SFXN5: variants seen among roughly 807,000 people sequenced by gnomAD.
SFXN5 encodes sideroflexin 5, also known as sideroflexin-5.
SFXN5 carries 43 observed loss-of-function variants against 50.2 expected under a neutral mutation model. The ratio of observed to expected loss-of-function variants is 0.86; its 90% confidence interval spans 0.67 to 1.11. SFXN5 has a LOEUF of 1.11. Among genes scored for constraint, SFXN5 ranks in the 50% least tolerant of loss-of-function variants. The pLI, the probability that SFXN5 is intolerant of heterozygous loss-of-function variation, is 0.00. For synonymous variants in SFXN5, 203 were observed against 185.8 expected (o/e 1.09, Z -0.75); for missense variants, 463 against 454.1 (o/e 1.02, Z -0.18).
chr2:72,988,261 C>T lies in SFXN5; in HGVS notation c.622G>A (p.Val208Ile). ...LIQRFVPFPAVASANICNVVL... is the reference protein window; with the variant it reads ...LIQRFVPFPAIASANICNVVL... The stretch of plus-strand genomic sequence containing the variant: ...CTATGTGGTGTGCAGGTCTTACCTA[C>T]AGCAGGGAACGGCACAAACCTCTGG... Residue 208 changes from valine (V) to isoleucine (I), a missense_variant, in exon 10 of 14, where the codon GTA becomes ATA. Physicochemically the swap from Val to Ile is conservative, Grantham distance 29 (BLOSUM62 3). Coordinates refer to ENST00000272433, the MANE Select transcript of SFXN5 (RefSeq NM_144579.3). The T allele has an allele frequency of 6.2e-7, 1 of 1,613,590 alleles. No individual in the cohort carries two copies. The highest frequency in any genetic ancestry group is 8.5e-7 in the Non-Finnish European group (1 of 1,179,794).
chr2:73,048,944 A>G (rs1180063838), intron 2 of SFXN5: 1 of 152,178 alleles, frequency 6.6e-6, no homozygotes, highest in Non-Finnish European at 1.5e-5. Flanking sequence ...TCAGTTTCCC[A>G]AAAACGTTTT....
chr2:72,972,075 T>C (rs1670076924), intron 10 of SFXN5, among the ~76,000 whole-genome samples: 1 of 152,172 alleles, frequency 6.6e-6, no homozygotes, highest in Non-Finnish European at 1.5e-5. Flanking sequence ...TGTTCCACCA[T>C]CACTGGGGCC....
chr2:73,070,765 C>A (rs1179202696), intron 1 of SFXN5: 2 of 152,408 alleles, frequency 1.3e-5, no homozygotes, highest in Non-Finnish European at 2.9e-5. Flanking sequence ...GTCGCCGTGC[C>A]CCGAAGAGCC....
intron 1 of SFXN5, among the ~76,000 whole-genome samples, chr2:73,061,919 C>A (rs1268478994): frequency 6.6e-6 from 1 of 152,018 alleles, no homozygotes; most frequent in African/African-American, 2.4e-5. Flanking sequence ...AGTTTGAGAT[C>A]AGCCTGGGCA....
intron 13 of SFXN5, among the ~76,000 whole-genome samples, chr2:72,946,753 G>T (rs1671981595): frequency 6.6e-6 from 1 of 151,970 alleles, no homozygotes; most frequent in African/African-American, 2.4e-5. Flanking sequence ...TCCCCACAAG[G>T]TCTCATCCAG....
At chr2:73,055,680 G>C (rs1357291048) in intron 2 of SFXN5, among the ~76,000 whole-genome samples, 1 of 149,358 alleles carries the variant, frequency 6.7e-6, no homozygotes, top group Non-Finnish European at 1.5e-5. Flanking sequence ...ACAATGGCAC[G>C]ATCTCGCCTC....
intron 1 of SFXN5, 140 bp downstream of exon 1, chr2:73,071,464 C>G (rs1417663809): frequency 1.4e-6 from 1 of 714,304 alleles, no homozygotes; most frequent in Non-Finnish European, 2.3e-6. Context: ...TGACTGTGAC[C>G]GAGGTTCCCC....
In SFXN5 at chr2:73,071,085, T is replaced by TG. The variant is rs1683561302; in HGVS notation, c.102+518dup. ...CCTGCTGCGCGCGCCGAGCCCGGCT[T>TG]GGGGGCCAGGGCTGGGGAGTGACCG... On this transcript the variant is annotated intron_variant, in intron 1 of 13. Coordinates refer to ENST00000272433, the MANE Select transcript of SFXN5 (RefSeq NM_144579.3). 1.3e-5 allele frequency: 2 copies of TG among 152,836 alleles called. 1 individual carries two copies. The highest frequency in any genetic ancestry group is 3.9e-4 in the South Asian group (2 of 5,176). 9.5% of individuals were successfully genotyped at this position (152,836 alleles called of 1,614,324 possible).
chr2:72,975,760 C>T (rs1670553876), intron 10 of SFXN5, among the ~76,000 whole-genome samples: 1 of 152,188 alleles, frequency 6.6e-6, no homozygotes, highest in Non-Finnish European at 1.5e-5. Flanking sequence ...TTGCCTAAAA[C>T]ATCTTTCTAA....
intron 13 of SFXN5, chr2:72,957,000 C>T: frequency 2.2e-6 from 1 of 453,020 alleles, no homozygotes; most frequent in Non-Finnish European, 4.4e-6. Flanking sequence ...GACAGCCCCT[C>T]CTCTTTGAAT....
At chr2:72,989,613 A>T (rs900439265) in intron 9 of SFXN5, among the ~76,000 whole-genome samples, 2 of 152,078 alleles carry the variant, frequency 1.3e-5, no homozygotes, top group Non-Finnish European at 2.9e-5. Flanking sequence ...TGACTGAGGA[A>T]TAAATGCAGG....
intron 1 of SFXN5, chr2:73,059,508 C>CA: frequency 1.0e-6 from 1 of 985,402 alleles, no homozygotes. Flanking sequence ...CCAGACCCTG[C>CA]AGCCAATTCC....
intron 2 of SFXN5, among the ~76,000 whole-genome samples, chr2:73,055,291 A>G (rs1681939053): frequency 6.6e-6 from 1 of 152,272 alleles, no homozygotes; most frequent in African/African-American, 2.4e-5. Flanking sequence ...TGGGGTGAGA[A>G]TAAGGGTCTG....
At chr2:73,046,008 C>T (rs966233451) in intron 2 of SFXN5, among the ~76,000 whole-genome samples, 1 of 152,132 alleles carries the variant, frequency 6.6e-6, no homozygotes, top group Admixed American at 6.6e-5. Flanking sequence ...GCATGACAGG[C>T]AGCCTATCCC....
At chr2:73,041,051 G>GT in intron 2 of SFXN5, 120 bp from the exon 3 acceptor site, 1 of 643,262 alleles carries the variant, frequency 1.6e-6, no homozygotes, top group Non-Finnish European at 2.6e-6. Flanking sequence ...CCTGCCCTCA[G>GT]TTCATGGGAC....
intron 6 of SFXN5, among the ~76,000 whole-genome samples, chr2:73,011,039 A>G (rs777644421): frequency 6.6e-6 from 1 of 152,228 alleles, no homozygotes; most frequent in African/African-American, 2.4e-5. Flanking sequence ...GAATAATTAG[A>G]ATACAGAATT....
At position 73,000,489 on chromosome 2, in the gene SFXN5, T is replaced by C; in HGVS notation, c.412-2A>G. On this transcript the variant is annotated splice_acceptor_variant, in intron 7 of 13. Coordinates refer to ENST00000272433, the MANE Select transcript of SFXN5 (RefSeq NM_144579.3). LOFTEE classifies it high-confidence loss of function. Reference sequence around the variant, plus strand: ...GGCATTGTGGCTCTGGTTCAGCCACTGAAAGGCAATGATGAGAGAAGTCAG... The same window carrying C: ...GGCATTGTGGCTCTGGTTCAGCCACCGAAAGGCAATGATGAGAGAAGTCAG... The C allele has an allele frequency of 6.4e-7, 1 of 1,557,700 alleles. No individual in the cohort carries two copies. The highest frequency in any genetic ancestry group is 1.2e-5 in the South Asian group (1 of 84,554).
At chr2:73,049,177 C>G (rs1361391014) in intron 2 of SFXN5, 1 of 152,228 alleles carries the variant, frequency 6.6e-6, no homozygotes, top group Non-Finnish European at 1.5e-5. Context: ...GATCAAGAAC[C>G]AGCATTTGGT....
At chr2:73,027,736 T>C (rs1327214969) in intron 3 of SFXN5, among the ~76,000 whole-genome samples, 1 of 152,102 alleles carries the variant, frequency 6.6e-6, no homozygotes, top group Non-Finnish European at 1.5e-5. Context: ...CACAGCTCAC[T>C]ACAGCCTCCA....
Sources: gnomAD v4.1 joint callset for allele counts (sites outside exome capture counted in the v4.1 genomes callset) on GRCh38, gnomAD v4.1.1 for gene constraint, MANE v1.5 for transcripts, NCBI Gene and HGNC (gene_info 2026-07-23, HGNC 2026-07-21) for gene names.